The following RSU1 variants were observed in gnomAD, a reference collection of about 807,000 sequenced individuals.
RSU1 encodes the protein rsu-1.
In RSU1, 26 loss-of-function variants were observed where a neutral mutation model predicts 31.1. The observed-to-expected ratio is 0.84, with a 90% CI of 0.61 to 1.16. The LOEUF is 1.16. Among genes scored for constraint, RSU1 ranks in the 50% most tolerant of loss-of-function variants. The pLI is 0.00. For missense variants in RSU1, 320 were observed against 339.1 expected (o/e 0.94, Z 0.44); for synonymous variants, 164 against 136.3 (o/e 1.20, Z -1.41).
chr10:16,603,730 G>C (rs1268615144), intron 8 of RSU1, among the ~76,000 whole-genome samples: 1 of 152,182 alleles, frequency 6.6e-6, no homozygotes, highest in Non-Finnish European at 1.5e-5. Flanking sequence ...TTCCCTGATA[G>C]ACTTCATACC....
At chr10:16,731,891 G>T (rs768131381) in intron 7 of RSU1, among the ~76,000 whole-genome samples, 1 of 151,960 alleles carries the variant, frequency 6.6e-6, no homozygotes, top group African/African-American at 2.4e-5. Context: ...AAGATAAGCC[G>T]ATATTGTTGG....
intron 2 of RSU1, among the ~76,000 whole-genome samples, chr10:16,791,521 T>C (rs12355364): frequency 0.24 from 35,798 of 150,558 alleles, 4,401 homozygotes; most frequent in African/African-American, 0.28. Context: ...CCCAGCTACT[T>C]GGGAGGCTGA....
At chr10:16,602,542 G>A (rs189400127) in intron 8 of RSU1, among the ~76,000 whole-genome samples, 142 of 152,332 alleles carry the variant, frequency 9.3e-4, no homozygotes, top group African/African-American at 3.3e-3. Context: ...AGGGCAGGGA[G>A]TGCAGGCTTA....
chr10:16,623,770 T>C (rs1466544286), intron 8 of RSU1, among the ~76,000 whole-genome samples: 2 of 152,222 alleles, frequency 1.3e-5, no homozygotes, highest in Non-Finnish European at 2.9e-5. Flanking sequence ...TCTCTAATGA[T>C]TAGTGCTGTC....
In RSU1 at chr10:16,793,102, C is replaced by T. The variant is rs538804550; in HGVS notation, c.110-11018G>A. The stretch of plus-strand genomic sequence containing the variant: ...ATAATAAAAATATCATATTCACCAA[C>T]ACACCAGAATCATAAAAAGCTTTCT... On this transcript the variant is annotated intron_variant, in intron 2 of 8. Transcript: ENST00000345264. Among the ~76,000 whole-genome samples, 5 of 143,740 alleles carry T rather than the reference C, an allele frequency of 3.5e-5. No homozygotes were observed. In the East Asian group the frequency reaches 9.7e-4, roughly 28 times the overall value. 94.3% of individuals were successfully genotyped at this position (143,740 alleles called of 152,430 possible). A position where few individuals can be genotyped will look rare whatever the true frequency, so the allele number is the denominator to read the frequency against.
At chr10:16,705,565 C>T (rs1359119857) in intron 7 of RSU1, among the ~76,000 whole-genome samples, 4 of 152,142 alleles carry the variant, frequency 2.6e-5, no homozygotes, top group African/African-American at 9.7e-5. Context: ...TCTCAGCTCA[C>T]TGCAACATCT....
intron 4 of RSU1, among the ~76,000 whole-genome samples, chr10:16,758,821 G>A (rs1472308913): frequency 6.6e-6 from 1 of 152,200 alleles, no homozygotes; most frequent in Non-Finnish European, 1.5e-5. Context: ...ACTATCAAGT[G>A]TGGTTTTCTA....
intron 8 of RSU1, among the ~76,000 whole-genome samples, chr10:16,668,041 A>G (rs921710001): frequency 2.0e-5 from 3 of 152,218 alleles, no homozygotes; most frequent in African/African-American, 4.8e-5. Context: ...ACTAGGACTG[A>G]GCTTGGAGTT....
At chr10:16,691,796 G>A (rs965033675) in intron 8 of RSU1, among the ~76,000 whole-genome samples, 2 of 139,506 alleles carry the variant, frequency 1.4e-5, no homozygotes, top group African/African-American at 5.5e-5. Flanking sequence ...GTGCAGTGGC[G>A]CCATCTATCT....
chr10:16,816,179 A>G lies in RSU1; in HGVS notation c.109+794T>C, dbSNP rs1449749966. ...AAATTAGCAAATTTCACATAAAAAT[A>G]TAGAATCTTGGTTCCTTTAAGAAAA... On this transcript the variant is annotated intron_variant, in intron 2 of 8. Coordinates refer to ENST00000345264, the MANE Select transcript of RSU1 (RefSeq NM_012425.4). Among the ~76,000 whole-genome samples, 4 of 152,236 alleles carry G rather than the reference A, an allele frequency of 2.6e-5. No homozygotes were observed. The East Asian group carries it at 7.7e-4, about 29-fold the overall frequency.
chr10:16,732,157 G>C (rs1273005947), intron 7 of RSU1, among the ~76,000 whole-genome samples: 1 of 152,022 alleles, frequency 6.6e-6, no homozygotes, highest in Non-Finnish European at 1.5e-5. Flanking sequence ...GTACACAAAG[G>C]GACAGAGACC....
chr10:16,757,629 G>GA (rs1490184105), intron 4 of RSU1, among the ~76,000 whole-genome samples: 1 of 152,198 alleles, frequency 6.6e-6, no homozygotes, highest in Non-Finnish European at 1.5e-5. Flanking sequence ...ATGTTGAGAT[G>GA]AAAAAACAGC....
At chr10:16,805,428 T>C (rs932858198) in intron 2 of RSU1, among the ~76,000 whole-genome samples, 15 of 151,992 alleles carry the variant, frequency 9.9e-5, no homozygotes, top group Non-Finnish European at 2.1e-4. Context: ...TCCGAACATT[T>C]TGGGAGGCCG....
intron 8 of RSU1, among the ~76,000 whole-genome samples, chr10:16,644,224 A>G (rs1834495938): frequency 1.3e-5 from 2 of 152,176 alleles, no homozygotes. Flanking sequence ...ATTCCTATCT[A>G]CAACTCACTA....
intron 3 of RSU1, among the ~76,000 whole-genome samples, chr10:16,771,300 A>C (rs183092927): frequency 1.3e-5 from 2 of 152,244 alleles, no homozygotes; most frequent in Admixed American, 6.5e-5. Context: ...ATGATAGTGA[A>C]AAACAAGTGT....
At chr10:16,737,618 T>G (rs1274477937) in intron 7 of RSU1, among the ~76,000 whole-genome samples, 1 of 151,868 alleles carries the variant, frequency 6.6e-6, no homozygotes, top group Non-Finnish European at 1.5e-5. Flanking sequence ...TTCTTCAGGA[T>G]AAAGGCAAAT....
intron 2 of RSU1, among the ~76,000 whole-genome samples, chr10:16,806,055 T>G (rs1437513226): frequency 6.6e-6 from 1 of 152,362 alleles, no homozygotes; most frequent in East Asian, 1.9e-4. Context: ...TGTCAACTTG[T>G]ACTGTCATTA....
chr10:16,608,516 C>A (rs1359516875), intron 8 of RSU1, among the ~76,000 whole-genome samples: 1 of 152,080 alleles, frequency 6.6e-6, no homozygotes, highest in Non-Finnish European at 1.5e-5. Context: ...TTCCCACTTC[C>A]CTGGCAAAGA....
chr10:16,801,545 T>G (rs1838155741), intron 2 of RSU1, among the ~76,000 whole-genome samples: 1 of 152,160 alleles, frequency 6.6e-6, no homozygotes, highest in Admixed American at 6.5e-5. Flanking sequence ...ATCAGCTGGA[T>G]ATAATTGACA....
Sources: gnomAD v4.1 joint callset for allele counts (sites outside exome capture counted in the v4.1 genomes callset) on GRCh38, gnomAD v4.1.1 for gene constraint, MANE v1.5 for transcripts, NCBI Gene and HGNC (gene_info 2026-07-23, HGNC 2026-07-21) for gene names.